TBX5: variants seen among roughly 807,000 people sequenced by gnomAD.
TBX5 encodes T-box transcription factor TBX5.
TBX5 carries 8 observed loss-of-function variants against 51.1 expected under a neutral mutation model. The ratio of observed to expected loss-of-function variants is 0.16; its 90% CI spans 0.09 to 0.28. The LOEUF (loss-of-function observed/expected upper bound fraction) is 0.28, where lower values mean the gene tolerates loss of function less well. TBX5 is among the 10% of genes least tolerant of loss of function. The probability of loss-of-function intolerance (pLI) is 1.00; values close to 1 mark genes in which losing one functional copy is unlikely to be tolerated. For synonymous variants in TBX5, 302 were observed against 266.4 expected (o/e 1.13, Z -1.30); for missense variants, 589 against 671.7 (o/e 0.88, Z 1.36).
chr12:114,366,632 C>T (rs1453406993), intron 7 of TBX5, among the ~76,000 whole-genome samples: 2 of 152,132 alleles, frequency 1.3e-5, no homozygotes, highest in African/African-American at 4.8e-5. Context: ...AGTTCTATAC[C>T]TCAGCAGAAA....
chr12:114,398,694 G>A lies in TBX5; in HGVS notation c.389C>T (p.Ala130Val), dbSNP rs1435645809. The A allele has an allele frequency of 8.7e-6, 14 of 1,606,918 alleles. No individual in the cohort carries two copies. The highest frequency in any genetic ancestry group is 1.2e-5 in the Non-Finnish European group (14 of 1,176,864). Reference sequence around the variant, plus strand: ...GTGCACGTACAGGCGGCCAGGCATGGCGGGCTCAGCTTTGCCCGTCACAGA... The same window carrying A: ...GTGCACGTACAGGCGGCCAGGCATGACGGGCTCAGCTTTGCCCGTCACAGA... The part of the protein sequence containing the change: ...KWSVTGKAEP[A>V]MPGRLYVHPD... The change falls in exon 5 of 9, where the codon GCC (alanine) becomes GTC (valine). Residue 130 changes from alanine to valine, a missense_variant. By Grantham distance (64) the Ala-to-Val change is moderately conservative. Around this residue, in one of 7 missense-constraint regions of TBX5, gnomAD observed 85 missense variants for 95.6 expected, o/e 0.89. Transcript: ENST00000405440.
chr12:114,374,158 T>C (rs1054595596), intron 7 of TBX5, among the ~76,000 whole-genome samples: 2 of 152,242 alleles, frequency 1.3e-5, no homozygotes, highest in Admixed American at 1.3e-4. Context: ...GAATGATAAA[T>C]GTTTTCTGTG....
At chr12:114,369,850 A>G (rs78441425) in intron 7 of TBX5, among the ~76,000 whole-genome samples, 1 of 151,842 alleles carries the variant, frequency 6.6e-6, no homozygotes, top group Non-Finnish European at 1.5e-5. Context: ...TTGTTCTTCA[A>G]TGCCTCCTAA....
At chr12:114,407,842 C>A (rs1368628134), upstream of TBX5, 1 of 985,416 alleles carries the variant, frequency 1.0e-6, no homozygotes, top group Non-Finnish European at 1.2e-6. Context: ...TTCTTTGGAG[C>A]GCAAAAGCCA....
chr12:114,377,993 G>A (rs1217694685), intron 7 of TBX5, among the ~76,000 whole-genome samples: 1 of 152,040 alleles, frequency 6.6e-6, no homozygotes. Context: ...TCCACTCTCT[G>A]GTTGGGTGGC....
chr12:114,394,916 G>A, intron 5 of TBX5, 23 bp from the exon 6 acceptor site: 1 of 1,610,842 alleles, frequency 6.2e-7, no homozygotes, highest in Non-Finnish European at 8.5e-7. Context: ...AAGAAAATGA[G>A]ATTGTAAGAA....
At chr12:114,407,957 G>A (rs1213093662), upstream of TBX5, 5 of 985,322 alleles carry the variant, frequency 5.1e-6, no homozygotes, top group East Asian at 2.3e-4. Context: ...GTCAAGAAGA[G>A]CACGTACCTC....
At chr12:114,390,953 GC>G (rs1344747135) in intron 6 of TBX5, among the ~76,000 whole-genome samples, 2 of 152,144 alleles carry the variant, frequency 1.3e-5, no homozygotes, top group Admixed American at 6.5e-5. Flanking sequence ...CCCAAATCCA[GC>G]CCGAGATCAC....
chr12:114,367,374 C>T (rs1294596555), intron 7 of TBX5, among the ~76,000 whole-genome samples: 2 of 152,122 alleles, frequency 1.3e-5, no homozygotes, highest in African/African-American at 4.8e-5. Flanking sequence ...CTCCCCTGAG[C>T]TTCAGGGCTC....
Position 114,355,876 on chromosome 12 carries a change from G to C in TBX5, c.1213C>G (p.Pro405Ala). ...DISCNTWPSMPSYSSCTVTTV... is the reference protein window; with the variant it reads ...DISCNTWPSMASYSSCTVTTV... ...GTGACGGTGCAGCTGCTGTAGGAAG[G>C]CATGCTTGGCCACGTGTTGCAGCTG... Residue 405 changes from proline to alanine, a missense_variant, in exon 9 of 9, where the codon CCT (proline) becomes GCT (alanine). By Grantham distance (27) the Pro-to-Ala change is conservative. Transcript: ENST00000405440. The C allele has an allele frequency of 6.2e-7, 1 of 1,613,702 alleles. No homozygotes were observed. The highest frequency in any genetic ancestry group is 8.5e-7 in the Non-Finnish European group (1 of 1,180,038).
At chr12:114,400,575 C>T (rs1871745589) in intron 3 of TBX5, among the ~76,000 whole-genome samples, 1 of 152,238 alleles carries the variant, frequency 6.6e-6, no homozygotes. Context: ...GAATGGAGGC[C>T]TCTCCCTCCG....
chr12:114,387,209 A>G (rs1396109537), intron 6 of TBX5, among the ~76,000 whole-genome samples: 2 of 152,202 alleles, frequency 1.3e-5, no homozygotes, highest in Non-Finnish European at 2.9e-5. Flanking sequence ...CTTTCCCAGT[A>G]GTATAGTTAC....
intron 1 of TBX5, among the ~76,000 whole-genome samples, chr12:114,404,209 C>T (rs1025311301): frequency 6.6e-6 from 1 of 152,148 alleles, no homozygotes; most frequent in Non-Finnish European, 1.5e-5. Context: ...GCCCGCATCT[C>T]CCCTGCGCAG....
intron 7 of TBX5, among the ~76,000 whole-genome samples, chr12:114,378,619 CT>C (rs1431399567): frequency 2.0e-5 from 3 of 151,664 alleles, no homozygotes; most frequent in Admixed American, 1.3e-4. Flanking sequence ...AACCTGTTTT[CT>C]GTTTTGTTTT....
At chr12:114,376,262 T>C (rs1233652964) in intron 7 of TBX5, among the ~76,000 whole-genome samples, 1 of 136,980 alleles carries the variant, frequency 7.3e-6, no homozygotes, top group African/African-American at 2.7e-5. Context: ...GAAAATGTGG[T>C]GTGTATATAT....
At chr12:114,361,961 T>G (rs897074937) in intron 8 of TBX5, among the ~76,000 whole-genome samples, 1 of 152,160 alleles carries the variant, frequency 6.6e-6, no homozygotes, top group Non-Finnish European at 1.5e-5. Context: ...CCATTCACCC[T>G]GAGCCCACAG....
rs559315701 is a variant in TBX5, at chr12:114,392,353, T to C, written c.663+2388A>G. Among the ~76,000 whole-genome samples, 4 of 152,274 alleles carry C rather than the reference T, an allele frequency of 2.6e-5. No individual in the cohort carries two copies. In the East Asian group the frequency reaches 7.7e-4, roughly 29 times the overall value. On this transcript the variant is annotated intron_variant, in intron 6 of 8. Coordinates refer to ENST00000405440, the MANE Select transcript of TBX5 (RefSeq NM_181486.4). Reference sequence around the variant, plus strand: ...TGACAGTTTCACAGGTATACATATATATACACATGAAGCTTATCTAGTTGT... The same window carrying C: ...TGACAGTTTCACAGGTATACATATACATACACATGAAGCTTATCTAGTTGT...
intron 6 of TBX5, among the ~76,000 whole-genome samples, chr12:114,387,359 T>G (rs1266277677): frequency 2.6e-5 from 4 of 152,232 alleles, no homozygotes; most frequent in African/African-American, 9.6e-5. Context: ...GAAAATAAAA[T>G]TATTATATGT....
intron 4 of TBX5, 62 bp from the exon 5 acceptor site, chr12:114,398,782 G>C: frequency 5.8e-6 from 9 of 1,556,914 alleles, no homozygotes; most frequent in Non-Finnish European, 7.0e-6. Flanking sequence ...GCACTGCACC[G>C]AAGCGTGCTT....
Sources: allele counts gnomAD v4.1 joint callset (sites outside exome capture counted in the v4.1 genomes callset), GRCh38; gene constraint gnomAD v4.1.1; regional missense constraint gnomAD v4.1.1; transcripts MANE v1.5; gene names NCBI Gene and HGNC (gene_info 2026-07-23, HGNC 2026-07-21).